The following IFNA4 variants were observed in gnomAD, a reference collection of about 807,000 sequenced individuals.
IFNA4 encodes interferon alpha 4, also known as interferon alpha-4.
For missense variants in IFNA4, 225 were observed against 214.9 expected, an observed-to-expected ratio of 1.05 and a Z score of -0.29; for synonymous variants, 84 against 86.0, an observed-to-expected ratio of 0.98 and a Z score of 0.13.
chr9:21,187,083 A>C lies in IFNA4; in HGVS notation c.449T>G (p.Ile150Ser), dbSNP rs772030978. 3.5e-5 allele frequency: 56 copies of C among 1,613,988 alleles called. No homozygotes were observed. In the Admixed American group the frequency reaches 9.3e-4, roughly 27 times the overall value. ...TTTCTTCTCTGTTAGATAAAGAGTGATTCTTTGGAAGTATTTCCTCACAGC... is the reference window on the plus strand; with the variant it reads ...TTTCTTCTCTGTTAGATAAAGAGTGCTTCTTTGGAAGTATTTCCTCACAGC... Residue 150 changes from isoleucine to serine, a missense_variant, in exon 1 of 1, where the codon ATC becomes AGC. Ile to Ser is a moderately radical substitution (Grantham distance 142, BLOSUM62 -2). Coordinates refer to ENST00000421715, the Ensembl canonical transcript of IFNA4.
exon 1 of IFNA4, chr9:21,187,482 T>G (rs969141541): frequency 6.2e-7 from 1 of 1,613,490 alleles, no homozygotes; most frequent in African/African-American, 1.3e-5. Flanking sequence ...ACAGATGGAT[T>G]TGTAGCTGAG....
At chr9:21,187,545 A>T (rs1433655660) in exon 1 of IFNA4, 1 of 1,593,246 alleles carries the variant, frequency 6.3e-7, no homozygotes, top group South Asian at 1.1e-5. Flanking sequence ...GATGTTGCAA[A>T]TATTGCTAGG....
chr9:21,187,357 A>T, exon 1 of IFNA4: 1 of 1,614,164 alleles, frequency 6.2e-7, no homozygotes, highest in Non-Finnish European at 8.5e-7. Flanking sequence ...GGGAATCCGA[A>T]ATCATGTCTG....
At chr9:21,187,464 C>T (rs1817925072) in exon 1 of IFNA4, 4 of 1,614,052 alleles carry the variant, frequency 2.5e-6, no homozygotes, top group African/African-American at 1.3e-5. Flanking sequence ...CAGATCACAG[C>T]CCAGAGAACA....
At position 21,186,999 on chromosome 9, in the gene IFNA4, G is replaced by A. The variant is rs746359287; in HGVS notation, c.533C>T (p.Ser178Leu). Residue 178 changes from serine (S) to leucine (L), a missense_variant, in exon 1 of 1, where the codon TCA becomes TTA. By Grantham distance (145) the Ser-to-Leu change is moderately radical. Coordinates refer to ENST00000421715, the Ensembl canonical transcript of IFNA4. The stretch of plus-strand genomic sequence containing the variant: ...CCTTAATCTTTTTTGCAAGTTTGTT[G>A]AAAACGAGAGGGATCTCATGATTTC... 5 of 1,613,956 alleles carry A rather than the reference G, an allele frequency of 3.1e-6. No individual in the cohort carries two copies. The South Asian group carries it at 5.5e-5, about 18-fold the overall frequency.
At chr9:21,187,035 A>T in exon 1 of IFNA4, 1 of 1,613,948 alleles carries the variant, frequency 6.2e-7, no homozygotes, top group Admixed American at 1.7e-5. Flanking sequence ...TGCTCTGACA[A>T]CCTCCCAGGC....
downstream of IFNA4, chr9:21,186,679 C>T (rs891416387): frequency 1.7e-5 from 3 of 180,616 alleles, no homozygotes; most frequent in African/African-American, 7.1e-5. Context: ...GTTACATTCA[C>T]CACAATGTAA....
exon 1 of IFNA4, chr9:21,186,862 T>G (rs1448076222): frequency 9.6e-6 from 15 of 1,568,626 alleles, no homozygotes; most frequent in South Asian, 7.2e-5. Flanking sequence ...TTGATTCAAC[T>G]CGTGGTGGTT....
At chr9:21,187,351 A>C (rs898176081) in exon 1 of IFNA4, 16 of 1,614,158 alleles carry the variant, frequency 9.9e-6, no homozygotes, top group Non-Finnish European at 1.4e-5. Flanking sequence ...TCCTCGGGGA[A>C]TCCGAAATCA....
At chr9:21,187,498 G>A (rs769006725) in exon 1 of IFNA4, 10 of 1,612,280 alleles carry the variant, frequency 6.2e-6, no homozygotes, top group Non-Finnish European at 5.9e-6. Context: ...CTGAGCACCA[G>A]CACGGCCATC....
chr9:21,186,767 A>T lies in IFNA4; in HGVS notation c.*195T>A, dbSNP rs1157713089. 6 of 522,182 alleles carry T rather than the reference A, an allele frequency of 1.1e-5. No homozygotes were observed. In the South Asian group the frequency reaches 2.9e-4, roughly 25 times the overall value. The allele number at this position is 522,182 out of a possible 1,614,324, so 32.3% of individuals were successfully genotyped here. On this transcript the variant is annotated 3_prime_UTR_variant, in exon 1 of 1. Transcript: ENST00000421715. ...TATTTAAATAAATAGATGAACAGAG[A>T]CATCAGCATTGTCATCTGTAAAGGA... is the stretch of plus-strand genomic sequence containing the variant.
At chr9:21,187,354 C>G (rs202029903) in exon 1 of IFNA4, 11 of 1,613,960 alleles carry the variant, frequency 6.8e-6, no homozygotes, top group South Asian at 4.4e-5. Context: ...TCGGGGAATC[C>G]GAAATCATGT....
At position 21,187,026 on chromosome 9, in the gene IFNA4, G is replaced by A. The variant is rs148386312; in HGVS notation, c.506C>T (p.Ala169Val). ...AAACGAGAGGGATCTCATGATTTCT[G>A]CTCTGACAACCTCCCAGGCACAAGG... Residue 169 changes from alanine to valine, a missense_variant, in exon 1 of 1, where the codon GCA (alanine) becomes GTA (valine). Ala to Val is a moderately conservative substitution (Grantham distance 64). Transcript: ENST00000421715. 1.1e-3 allele frequency: 1,852 copies of A among 1,614,074 alleles called. 3 individuals are homozygous for A. Among genetic ancestry groups the A allele is most frequent in the Non-Finnish European group, 1.5e-3 (1,754 of 1,180,002 alleles).
exon 1 of IFNA4, chr9:21,187,133 G>T (rs375805108): frequency 3.7e-6 from 6 of 1,613,946 alleles, no homozygotes; most frequent in Non-Finnish European, 5.1e-6. Flanking sequence ...CATTCATCAG[G>T]GGAGTCTCTT....
At chr9:21,186,830 C>T in exon 1 of IFNA4, 2 of 1,465,878 alleles carry the variant, frequency 1.4e-6, no homozygotes, top group East Asian at 4.6e-5. Context: ...CTTCTTCACA[C>T]TGCTGAAAAC....
At position 21,186,749 on chromosome 9, in the gene IFNA4, ATAAATAGAT is replaced by A. The variant is rs1817906532; in HGVS notation, c.*204_*212del. The A allele has an allele frequency of 7.2e-6, 3 of 418,160 alleles. No individual in the cohort carries two copies. In the East Asian group the frequency reaches 1.3e-4, roughly 18 times the overall value. 25.9% of individuals were successfully genotyped at this position (418,160 alleles called of 1,614,324 possible). A position where few individuals can be genotyped will look rare whatever the true frequency, so the allele number is the denominator to read the frequency against. On this transcript the variant is annotated 3_prime_UTR_variant, in exon 1 of 1. Transcript: ENST00000421715. ...ATTTTAAAAATAAATAAATATTTAA[ATAAATAGAT>A]GAACAGAGACATCAGCATTGTCATC...
exon 1 of IFNA4, chr9:21,186,708 A>G (rs1451396070): frequency 4.4e-6 from 1 of 228,236 alleles, no homozygotes; most frequent in Non-Finnish European, 8.2e-6. Flanking sequence ...ATGATATCAC[A>G]TAAAAAATAA....
chr9:21,186,807 G>A (rs550982977), exon 1 of IFNA4: 2 of 1,176,288 alleles, frequency 1.7e-6, no homozygotes, highest in African/African-American at 1.5e-5. Flanking sequence ...TGCCTGCACA[G>A]GTATACACCA....
exon 1 of IFNA4, chr9:21,187,581 T>G: frequency 6.5e-7 from 1 of 1,547,982 alleles, no homozygotes; most frequent in East Asian, 2.3e-5. Context: ...AACCTTGAAC[T>G]TCGGCCTCTA....
Sources: allele counts gnomAD v4.1 joint callset, GRCh38; gene constraint gnomAD v4.1.1; transcripts MANE v1.5; gene names NCBI Gene and HGNC (gene_info 2026-07-23, HGNC 2026-07-21).